The following TMC5 variants were observed in gnomAD, a reference collection of about 807,000 sequenced individuals.
TMC5 encodes transmembrane channel-like protein 5.
Under a neutral mutation model 110.5 loss-of-function variants are expected in TMC5, and 86 were observed. The observed-to-expected ratio is 0.78, with a 90% CI of 0.65 to 0.93. The LOEUF (loss-of-function observed/expected upper bound fraction) is 0.93. Among genes scored for constraint, TMC5 ranks in the 40% least tolerant of loss-of-function variants. TMC5 has a pLI of 0.00. For synonymous variants in TMC5, 455 were observed against 439.5 expected, an observed-to-expected ratio of 1.04 and a Z score of -0.44; for missense variants, 1,144 against 1,222.8, an observed-to-expected ratio of 0.94 and a Z score of 0.96.
intron 11 of TMC5, among the ~76,000 whole-genome samples, chr16:19,473,494 C>T (rs1018688450): frequency 6.6e-6 from 1 of 151,680 alleles, no homozygotes; most frequent in Non-Finnish European, 1.5e-5. Context: ...GGGAGCACAT[C>T]CTCATTGCCC....
At position 19,463,792 on chromosome 16, in the gene TMC5, AG is replaced by A; in HGVS notation, c.1254del (p.Asn419ThrfsTer7). The A allele has an allele frequency of 6.2e-7, 1 of 1,614,196 alleles. No homozygotes were observed. Among genetic ancestry groups the A allele is most frequent in the East Asian group, 2.2e-5 (1 of 44,888 alleles). The part of the protein sequence containing the change: ...NSISRAYRRS[K>X]NSLSEILNSI... Reference sequence around the variant, plus strand: ...TGATTCCAGGCTTATCGGAGATCCAAGAACAGCCTGTCGGAAATTCTGAATT... The same window carrying A: ...TGATTCCAGGCTTATCGGAGATCCAAAACAGCCTGTCGGAAATTCTGAATT... On this transcript the variant is annotated frameshift_variant, in exon 8 of 22. Coordinates refer to ENST00000542583, the MANE Select transcript of TMC5 (RefSeq NM_001261841.2). LOFTEE classifies it high-confidence loss of function.
At chr16:19,477,598 C>T in intron 13 of TMC5, 80 bp downstream of exon 13, 3 of 933,344 alleles carry the variant, frequency 3.2e-6, no homozygotes, top group East Asian at 2.5e-5. Flanking sequence ...TCTCAAGAGC[C>T]ATCACACTCC....
chr16:19,443,986 T>C, intron 3 of TMC5, 95 bp from the exon 4 acceptor site: 1 of 1,210,058 alleles, frequency 8.3e-7, no homozygotes, highest in Non-Finnish European at 1.2e-6. Flanking sequence ...AATGGATGAA[T>C]ACATGATTGA....
chr16:19,444,338 T>A, intron 4 of TMC5, 88 bp downstream of exon 4: 1 of 1,200,616 alleles, frequency 8.3e-7, no homozygotes, highest in Non-Finnish European at 1.2e-6. Context: ...GACTTGGCAA[T>A]AGGAGAATTG....
chr16:19,413,293 G>A (rs1057505129), upstream of TMC5, among the ~76,000 whole-genome samples: 2 of 151,850 alleles, frequency 1.3e-5, no homozygotes, highest in African/African-American at 4.8e-5. Context: ...GGAGGCCAAG[G>A]TGGGCAGATC....
chr16:19,443,751 T>C (rs1444624803), intron 3 of TMC5, among the ~76,000 whole-genome samples: 3 of 152,044 alleles, frequency 2.0e-5, no homozygotes, highest in African/African-American at 7.2e-5. Flanking sequence ...GATGGATGGA[T>C]GAATGTATGT....
At position 19,440,824 on chromosome 16, in the gene TMC5, G is replaced by A; in HGVS notation, c.786G>A (p.Arg262=). The change falls in exon 3 of 22, where the codon AGG becomes AGA. Residue 262 remains arginine (R), a splice_region_variant and synonymous_variant. Coordinates refer to ENST00000542583, the MANE Select transcript of TMC5 (RefSeq NM_001261841.2). ...CTTCTGAGACCCCAAAGATGACCAG[G>A]GGGTAAGTTCAGATATATATCCCTT... ...YGSSETPKMT[R]GVLSRTSSIQ... 1 of 1,611,946 alleles carries A rather than the reference G, an allele frequency of 6.2e-7. No individual in the cohort carries two copies. The highest frequency in any genetic ancestry group is 8.5e-7 in the Non-Finnish European group (1 of 1,179,292).
intron 5 of TMC5, chr16:19,456,791 C>G: frequency 6.2e-7 from 1 of 1,614,120 alleles, no homozygotes; most frequent in South Asian, 1.1e-5. Flanking sequence ...ATCCTCAAAT[C>G]AGATTTTTCA....
chr16:19,431,774 C>T (rs1967202161), intron 2 of TMC5, among the ~76,000 whole-genome samples: 1 of 152,002 alleles, frequency 6.6e-6, no homozygotes, highest in Admixed American at 6.6e-5. Flanking sequence ...CTAGCCAGGC[C>T]CAGGGCAGGA....
In TMC5 at chr16:19,440,750, T is replaced by C. The variant is rs1248430598; in HGVS notation, c.712T>C (p.Trp238Arg). 1 of 1,614,104 alleles carries C rather than the reference T, an allele frequency of 6.2e-7. No homozygotes were observed. Among genetic ancestry groups the C allele is most frequent in the Admixed American group, 1.7e-5 (1 of 60,010 alleles). ...GGACAATCAGAACTTGCCAAGCACT[T>C]GGAGAGAACCTGATTATTCAGATGC... ...AEDNQNLPST[W>R]REPDYSDAEN... The change falls in exon 3 of 22, where the codon TGG becomes CGG. Residue 238 changes from tryptophan to arginine, a missense_variant. Trp to Arg is a moderately radical substitution (Grantham distance 101). Transcript: ENST00000542583.
intron 4 of TMC5, among the ~76,000 whole-genome samples, chr16:19,448,365 A>G (rs977384347): frequency 2.0e-5 from 3 of 151,790 alleles, no homozygotes; most frequent in East Asian, 3.9e-4. Flanking sequence ...CTGTAATCCC[A>G]ACCCTTTGAG....
upstream of TMC5, among the ~76,000 whole-genome samples, chr16:19,416,211 C>T (rs140512806): frequency 1.4e-3 from 211 of 150,570 alleles, no homozygotes; most frequent in Middle Eastern, 6.9e-3. Context: ...AAAAGAGGAA[C>T]GGTAACTATA....
intron 13 of TMC5, among the ~76,000 whole-genome samples, chr16:19,478,532 A>T (rs1968540491): frequency 6.6e-6 from 1 of 152,004 alleles, no homozygotes; most frequent in South Asian, 2.1e-4. Flanking sequence ...TCATCTGTCC[A>T]TCCATGTATC....
intron 10 of TMC5, among the ~76,000 whole-genome samples, chr16:19,471,097 T>A (rs1257514166): frequency 6.6e-6 from 1 of 151,922 alleles, no homozygotes; most frequent in African/African-American, 2.4e-5. Context: ...TTTTTTTTTT[T>A]ATGATTTTCG....
At chr16:19,484,280 G>A (rs1054601889) in intron 15 of TMC5, among the ~76,000 whole-genome samples, 1 of 152,140 alleles carries the variant, frequency 6.6e-6, no homozygotes, top group Non-Finnish European at 1.5e-5. Flanking sequence ...GAGACAGTGA[G>A]GACCTTTCTT....
chr16:19,464,107 C>A (rs1184691508), intron 8 of TMC5, 83 bp downstream of exon 8: 1 of 1,487,472 alleles, frequency 6.7e-7, no homozygotes, highest in Non-Finnish European at 9.1e-7. Context: ...CCCACTCACA[C>A]CTCTCATTTT....
chr16:19,443,270 C>A (rs1967531529), intron 3 of TMC5, among the ~76,000 whole-genome samples: 1 of 152,200 alleles, frequency 6.6e-6, no homozygotes, highest in Non-Finnish European at 1.5e-5. Flanking sequence ...AATTGAGAAT[C>A]ATTACTCATC....
intron 8 of TMC5, among the ~76,000 whole-genome samples, chr16:19,465,037 TTCTTTCTTTC>T (rs1255683093): frequency 1.8e-5 from 2 of 108,304 alleles, no homozygotes; most frequent in African/African-American, 8.0e-5. Flanking sequence ...CTTTCTTTCT[TTCTTTCTTTC>T]TTTCTTTCTT....
chr16:19,443,545 G>C (rs1421407520), intron 3 of TMC5, among the ~76,000 whole-genome samples: 1 of 152,210 alleles, frequency 6.6e-6, no homozygotes, highest in Non-Finnish European at 1.5e-5. Flanking sequence ...CTAAGAAGCT[G>C]TACCAACTTG....
Sources: gnomAD v4.1 joint callset for allele counts (sites outside exome capture counted in the v4.1 genomes callset) on GRCh38, gnomAD v4.1.1 for gene constraint, MANE v1.5 for transcripts, NCBI Gene and HGNC (gene_info 2026-07-23, HGNC 2026-07-21) for gene names.